The following IRAK3 variants were observed in gnomAD, a reference collection of about 807,000 sequenced individuals.
The protein encoded by IRAK3 is interleukin-1 receptor-associated kinase 3.
IRAK3 carries 57 observed loss-of-function variants against 56.6 expected under a neutral mutation model. The observed-to-expected ratio is 1.01, with a 90% CI of 0.81 to 1.26. IRAK3 has a LOEUF of 1.26. IRAK3 is among the 50% of genes most tolerant of loss of function. The pLI, the probability that IRAK3 is intolerant of heterozygous loss-of-function variation, is 0.00. For missense variants in IRAK3, 703 were observed against 719.0 expected (o/e 0.98, Z 0.25); for synonymous variants, 258 against 255.7 (o/e 1.01, Z -0.09).
In IRAK3 at chr12:66,247,999, A is replaced by C. The variant is rs759930394; in HGVS notation, c.1619A>C (p.Glu540Ala). Reference protein sequence around the residue: ...EACNMPSSSCEESWFPKYIVP... With the variant: ...EACNMPSSSCAESWFPKYIVP... ...TGCAACATGCCCAGTTCTTCTTGTG[A>C]AGAAAGTTGGTTCCCAAAGTATATA... is the stretch of plus-strand genomic sequence containing the variant. The change falls in exon 12 of 12, where the codon GAA (glutamate) becomes GCA (alanine). Residue 540 changes from glutamate to alanine, a missense_variant. By Grantham distance (107) the Glu-to-Ala change is moderately radical (BLOSUM62 -1). Coordinates refer to ENST00000261233, the MANE Select transcript of IRAK3 (RefSeq NM_007199.3). The C allele has an allele frequency of 3.1e-6, 5 of 1,602,386 alleles. No individual in the cohort carries two copies. The South Asian group carries it at 5.6e-5, about 18-fold the overall frequency.
intron 8 of IRAK3, 139 bp from the exon 9 acceptor site, chr12:66,244,347 T>C: frequency 1.5e-6 from 1 of 669,296 alleles, no homozygotes; most frequent in South Asian, 1.7e-5. Flanking sequence ...TGTTCTCCAG[T>C]TCATGGAAAT....
rs1258278581 is a variant in IRAK3 at position 66,253,845 on chromosome 12, G to A, written c.*5674G>A. ...ATTTAAAAAAATGAAGCATAAAGGA[G>A]TTGGCTCTTGCCCTAAGTCATACTA... On this transcript the variant is annotated 3_prime_UTR_variant, in exon 12 of 12. Coordinates refer to ENST00000261233, the MANE Select transcript of IRAK3 (RefSeq NM_007199.3). The A allele has an allele frequency of 6.6e-6, 1 of 152,042 alleles. No homozygotes were observed. The highest frequency in any genetic ancestry group is 1.5e-5 in the Non-Finnish European group (1 of 68,006). The allele number at this position is 152,042 out of a possible 1,614,324, so 9.4% of individuals were successfully genotyped here.
intron 1 of IRAK3, among the ~76,000 whole-genome samples, chr12:66,194,938 T>C (rs747827829): frequency 6.6e-6 from 1 of 152,158 alleles, no homozygotes; most frequent in Non-Finnish European, 1.5e-5. Flanking sequence ...GTCTCTTCTG[T>C]TTATCTGCTA....
intron 1 of IRAK3, among the ~76,000 whole-genome samples, chr12:66,202,529 T>C (rs2052518357): frequency 6.6e-6 from 1 of 152,016 alleles, no homozygotes; most frequent in South Asian, 2.1e-4. Flanking sequence ...CCCAGCACTT[T>C]GGAAGGCCAA....
chr12:66,220,362 A>G (rs572731456), intron 6 of IRAK3, among the ~76,000 whole-genome samples: 38 of 151,380 alleles, frequency 2.5e-4, no homozygotes, highest in Non-Finnish European at 4.3e-4. Flanking sequence ...GATGATATAT[A>G]TGTAGGTTTA....
rs191708369 is a variant in IRAK3, at chr12:66,249,709, C to T, written c.*1538C>T. ...CTTCCTCCGTCTTCAAAGCCAGCAACGTGACATTTCAGATCTCCCTCTCTC... is the reference window on the plus strand; with the variant it reads ...CTTCCTCCGTCTTCAAAGCCAGCAATGTGACATTTCAGATCTCCCTCTCTC... On this transcript the variant is annotated 3_prime_UTR_variant, in exon 12 of 12. Transcript: ENST00000261233. 18 of 146,744 alleles carry T rather than the reference C, an allele frequency of 1.2e-4. No homozygotes were observed. The highest frequency in any genetic ancestry group is 2.4e-4 in the Non-Finnish European group (16 of 66,810). 9.1% of individuals were successfully genotyped at this position (146,744 alleles called of 1,614,324 possible). A position where few individuals can be genotyped will look rare whatever the true frequency, so the allele number is the denominator to read the frequency against.
intron 11 of IRAK3, among the ~76,000 whole-genome samples, chr12:66,246,870 C>T (rs990117587): frequency 2.6e-5 from 4 of 152,062 alleles, no homozygotes; most frequent in African/African-American, 4.8e-5. Context: ...CCAAATCATC[C>T]GAAGCTTCTA....
At chr12:66,192,166 C>T (rs2052405845) in intron 1 of IRAK3, among the ~76,000 whole-genome samples, 1 of 152,160 alleles carries the variant, frequency 6.6e-6, no homozygotes, top group Admixed American at 6.5e-5. Flanking sequence ...TTGCTTAGGC[C>T]AAATTCTCTT....
At chr12:66,217,145 T>TCTGTATATGTAGGAGAAAAATA (rs1458769370) in intron 5 of IRAK3, 26 bp from the exon 6 acceptor site, 4 of 1,522,874 alleles carry the variant, frequency 2.6e-6, no homozygotes, top group Non-Finnish European at 3.6e-6. Context: ...TTCCTTAATT[T>TCTGTATATGTAGGAGAAAAATA]TGTTCTTGTC....
At position 66,228,253 on chromosome 12, in the gene IRAK3, G is replaced by A; in HGVS notation, c.770G>A (p.Gly257Asp). 1 of 1,612,270 alleles carries A rather than the reference G, an allele frequency of 6.2e-7. No individual in the cohort carries two copies. The highest frequency in any genetic ancestry group is 8.5e-7 in the Non-Finnish European group (1 of 1,178,322). Residue 257 changes from glycine to aspartate, a missense_variant and splice_region_variant, in exon 8 of 12, where the codon GGT becomes GAT. Gly to Asp is a moderately conservative substitution (Grantham distance 94). Transcript: ENST00000261233. ...AACCAATTGCTGTTGTTGTTTTAGG[G>A]TGACACGGCCCCACTCCCTTGGCAC... ...GTLFDRLQCVGDTAPLPWHIR... is the reference protein window; with the variant it reads ...GTLFDRLQCVDDTAPLPWHIR...
chr12:66,234,161 G>A (rs1156425209), intron 8 of IRAK3: 6 of 1,614,062 alleles, frequency 3.7e-6, no homozygotes, highest in South Asian at 3.3e-5. Context: ...CTCAACAGGA[G>A]CCGCTGTCGT....
At chr12:66,241,179 T>TAGA (rs1235414435) in intron 8 of IRAK3, among the ~76,000 whole-genome samples, 1 of 152,164 alleles carries the variant, frequency 6.6e-6, no homozygotes, top group Non-Finnish European at 1.5e-5. Context: ...TCTCCATACT[T>TAGA]CCTCAGTGTA....
At chr12:66,229,339 A>G (rs2052821259) in intron 8 of IRAK3, among the ~76,000 whole-genome samples, 1 of 152,172 alleles carries the variant, frequency 6.6e-6, no homozygotes, top group Non-Finnish European at 1.5e-5. Context: ...ATTTTTTTCT[A>G]TTTGCCCTTT....
In IRAK3 at chr12:66,189,314, TG is replaced by T; in HGVS notation, c.19del (p.Ala7ProfsTer56). ...GCAGCCGAGCCATGGCGGGGAACTG[TG>T]GGGCCCGCGGCGCGCTGTCGGCGCA... The part of the protein sequence containing the change: MAGNC[G>X]ARGALSAHTL... On this transcript the variant is annotated frameshift_variant, in exon 1 of 12. Transcript: ENST00000261233. LOFTEE classifies it high-confidence loss of function. 8.5e-6 allele frequency: 13 copies of T among 1,534,538 alleles called. No individual in the cohort carries two copies. Among genetic ancestry groups the T allele is most frequent in the Non-Finnish European group, 1.1e-5 (13 of 1,146,638 alleles).
intron 1 of IRAK3, among the ~76,000 whole-genome samples, chr12:66,199,516 ACTT>A (rs1202115796): frequency 1.3e-5 from 2 of 152,102 alleles, no homozygotes; most frequent in African/African-American, 4.8e-5. Flanking sequence ...TCTATCCAAT[ACTT>A]CTTTAAGAAT....
At position 66,248,333 on chromosome 12, in the gene IRAK3, C is replaced by A; in HGVS notation, c.*162C>A. 1 of 587,436 alleles carries A rather than the reference C, an allele frequency of 1.7e-6. No individual in the cohort carries two copies. Among genetic ancestry groups the A allele is most frequent in the Non-Finnish European group, 3.0e-6 (1 of 333,592 alleles). The allele number at this position is 587,436 out of a possible 1,614,324, so 36.4% of individuals were successfully genotyped here. On this transcript the variant is annotated 3_prime_UTR_variant, in exon 12 of 12. Coordinates refer to ENST00000261233, the MANE Select transcript of IRAK3 (RefSeq NM_007199.3). The stretch of plus-strand genomic sequence containing the variant: ...TCTGGATAATTCCATTTCTTTTTTC[C>A]CAAACCCTCAAACAGAGTGCCTTAA...
chr12:66,230,010 GA>G (rs2052827111), intron 8 of IRAK3, among the ~76,000 whole-genome samples: 1 of 152,178 alleles, frequency 6.6e-6, no homozygotes, highest in East Asian at 1.9e-4. Context: ...GAAGAAGAAA[GA>G]AAAGAGAAGG....
intron 6 of IRAK3, among the ~76,000 whole-genome samples, chr12:66,225,753 A>T (rs1342947570): frequency 6.6e-6 from 1 of 152,148 alleles, no homozygotes; most frequent in Non-Finnish European, 1.5e-5. Flanking sequence ...TAGGAAAAAA[A>T]AAAGCCTGAG....
intron 8 of IRAK3, among the ~76,000 whole-genome samples, chr12:66,242,802 A>G (rs577640498): frequency 6.7e-4 from 102 of 152,350 alleles, no homozygotes; most frequent in African/African-American, 2.3e-3. Context: ...GTCTGGGCGC[A>G]GTAGCTCATG....
Sources: allele counts gnomAD v4.1 joint callset (sites outside exome capture counted in the v4.1 genomes callset), GRCh38; gene constraint gnomAD v4.1.1; transcripts MANE v1.5; gene names NCBI Gene and HGNC (gene_info 2026-07-23, HGNC 2026-07-21).